The following TGM6 variants were observed in gnomAD, a reference collection of about 807,000 sequenced individuals.
TGM6 encodes the protein protein-glutamine gamma-glutamyltransferase 6.
A neutral mutation model predicts 77.5 loss-of-function variants in TGM6; 74 were observed. The observed-to-expected ratio is 0.96, with a 90% CI of 0.79 to 1.16. The LOEUF is 1.16. TGM6 is among the 50% of genes most tolerant of loss of function. The pLI, the probability that TGM6 is intolerant of heterozygous loss-of-function variation, is 0.00. For missense variants in TGM6, 968 were observed against 940.2 expected, an observed-to-expected ratio of 1.03 and a Z score of -0.39; for synonymous variants, 383 against 378.9, an observed-to-expected ratio of 1.01 and a Z score of -0.12.
At chr20:2,396,028 A>G (rs1230244795) in intron 3 of TGM6, among the ~76,000 whole-genome samples, 1 of 152,082 alleles carries the variant, frequency 6.6e-6, no homozygotes, top group Admixed American at 6.6e-5. Context: ...TAAAAATACA[A>G]AATTAGCCAG....
intron 1 of TGM6, among the ~76,000 whole-genome samples, chr20:2,392,166 T>C (rs2084633031): frequency 6.6e-6 from 1 of 152,198 alleles, no homozygotes; most frequent in Non-Finnish European, 1.5e-5. Flanking sequence ...ATCAACTGCA[T>C]GATGTCAGGG....
rs142936143 is a variant in TGM6, at chr20:2,424,683, T to C, written c.1679-5763T>C. Among the ~76,000 whole-genome samples, 545 of 152,338 alleles carry C rather than the reference T, an allele frequency of 3.6e-3. 6 individuals carry two copies. The highest frequency in any genetic ancestry group is 0.013 in the African/African-American group (520 of 41,582). On this transcript the variant is annotated intron_variant, in intron 10 of 12. Transcript: ENST00000202625. ...GCACTTTTAATTTCCTTCAAGAACT[T>C]TCCCTTTGCATTCAAAACCTTGCTG... is the stretch of plus-strand genomic sequence containing the variant.
Position 2,400,291 on chromosome 20 carries a change from C to T in TGM6, c.851-15C>T. The T allele has an allele frequency of 1.2e-6, 2 of 1,614,120 alleles. No individual in the cohort carries two copies. The highest frequency in any genetic ancestry group is 1.7e-6 in the Non-Finnish European group (2 of 1,180,008). On this transcript the variant is annotated splice_polypyrimidine_tract_variant and intron_variant, in intron 6 of 12. Transcript: ENST00000202625. ...GGCCAGGGTCCCGCCTGCTCCGAGC[C>T]TCTCTGCTCTGCAGTCCTCAGGTGC...
intron 1 of TGM6, among the ~76,000 whole-genome samples, chr20:2,384,739 C>G (rs1478380875): frequency 6.6e-6 from 1 of 152,072 alleles, no homozygotes; most frequent in Non-Finnish European, 1.5e-5. Flanking sequence ...AAAGGAAGCG[C>G]TGAGAAGACG....
chr20:2,406,915 A>G (rs2084756478), intron 9 of TGM6, among the ~76,000 whole-genome samples: 1 of 149,680 alleles, frequency 6.7e-6, no homozygotes, highest in Non-Finnish European at 1.5e-5. Context: ...AACAGTGATG[A>G]CAATCACTGT....
At chr20:2,396,305 G>T (rs1452366712) in intron 3 of TGM6, among the ~76,000 whole-genome samples, 6 of 152,280 alleles carry the variant, frequency 3.9e-5, no homozygotes, top group Admixed American at 3.3e-4. Context: ...TTTGGGATTG[G>T]TCCCTGCTTG....
chr20:2,407,911 C>A (rs1261362157), intron 9 of TGM6, among the ~76,000 whole-genome samples: 1 of 152,184 alleles, frequency 6.6e-6, no homozygotes, highest in Non-Finnish European at 1.5e-5. Flanking sequence ...ACATGGTGAG[C>A]TGACAGCACA....
At chr20:2,411,230 C>A (rs2084782473) in intron 9 of TGM6, among the ~76,000 whole-genome samples, 1 of 152,022 alleles carries the variant, frequency 6.6e-6, no homozygotes, top group Non-Finnish European at 1.5e-5. Context: ...AGCAAAAATT[C>A]ATGAATATGG....
Position 2,403,436 on chromosome 20 carries a change from G to A in TGM6, c.1029G>A (p.Gln343=). 6.2e-7 allele frequency: 1 copy of A among 1,614,136 alleles called. No individual in the cohort carries two copies. The highest frequency in any genetic ancestry group is 8.5e-7 in the Non-Finnish European group (1 of 1,180,040). Residue 343 remains glutamine, a synonymous_variant, in exon 8 of 13, where the codon CAG becomes CAA. Coordinates refer to ENST00000202625, the MANE Select transcript of TGM6 (RefSeq NM_198994.3). The part of the protein sequence containing the change: ...HVWNESWFAR[Q]DLGPSYNGWQ... Reference sequence around the variant, plus strand: ...GGAATGAGAGCTGGTTTGCCCGGCAGGACCTAGGCCCCTCTTACAATGGCT... The same window carrying A: ...GGAATGAGAGCTGGTTTGCCCGGCAAGACCTAGGCCCCTCTTACAATGGCT...
At chr20:2,400,510 C>T in intron 7 of TGM6, 66 bp downstream of exon 7, 1 of 1,607,510 alleles carries the variant, frequency 6.2e-7, no homozygotes. Flanking sequence ...AAGGCCTCAT[C>T]TTCCATAACA....
chr20:2,397,438 G>A (rs1343497660), intron 4 of TGM6, among the ~76,000 whole-genome samples: 1 of 152,176 alleles, frequency 6.6e-6, no homozygotes, highest in African/African-American at 2.4e-5. Flanking sequence ...TTATAGTGAA[G>A]AGTTTAGGGT....
chr20:2,418,900 C>A (rs1158648736), intron 10 of TGM6, among the ~76,000 whole-genome samples: 1 of 151,940 alleles, frequency 6.6e-6, no homozygotes, highest in Non-Finnish European at 1.5e-5. Context: ...CACAGTGAAA[C>A]CCCATCTCTA....
intron 1 of TGM6, among the ~76,000 whole-genome samples, 182 bp downstream of exon 1, chr20:2,381,157 A>T (rs1254081716): frequency 6.6e-6 from 1 of 152,230 alleles, no homozygotes; most frequent in South Asian, 2.1e-4. Context: ...AGCCAGCTTT[A>T]AGCCACCCAG....
intron 5 of TGM6, among the ~76,000 whole-genome samples, 163 bp from the exon 6 acceptor site, chr20:2,399,398 T>C (rs557745414): frequency 2.0e-5 from 3 of 152,226 alleles, no homozygotes; most frequent in Admixed American, 1.3e-4. Flanking sequence ...TACCAGGAAG[T>C]AGGTATTTTA....
chr20:2,406,853 A>AAAAC (rs2084755516), intron 9 of TGM6, among the ~76,000 whole-genome samples: 1 of 133,038 alleles, frequency 7.5e-6, no homozygotes, highest in Non-Finnish European at 1.6e-5. Flanking sequence ...AAAAAAAAAA[A>AAAAC]AAAAAAAAAA....
chr20:2,427,037 G>C (rs2084892564), intron 10 of TGM6, among the ~76,000 whole-genome samples: 1 of 152,012 alleles, frequency 6.6e-6, no homozygotes, highest in African/African-American at 2.4e-5. Context: ...GTATTTCTCT[G>C]CTTCCATTTT....
intron 9 of TGM6, among the ~76,000 whole-genome samples, chr20:2,412,641 C>T (rs927701644): frequency 6.5e-4 from 99 of 152,026 alleles, no homozygotes; most frequent in African/African-American, 2.3e-3. Context: ...CCTAAGGAAT[C>T]CATTAAAAAG....
At chr20:2,399,791 C>T in intron 6 of TGM6, 53 bp downstream of exon 6, 2 of 1,483,476 alleles carry the variant, frequency 1.3e-6, no homozygotes, top group Non-Finnish European at 1.8e-6. Context: ...CTTCCTCTAT[C>T]TAAATGTATT....
At chr20:2,416,809 T>C (rs957519238) in intron 9 of TGM6, among the ~76,000 whole-genome samples, 3 of 152,216 alleles carry the variant, frequency 2.0e-5, no homozygotes, top group Non-Finnish European at 4.4e-5. Flanking sequence ...CTTTACTGCC[T>C]GGTTCAAGTC....
Sources: gnomAD v4.1 joint callset for allele counts (sites outside exome capture counted in the v4.1 genomes callset) on GRCh38, gnomAD v4.1.1 for gene constraint, MANE v1.5 for transcripts, NCBI Gene and HGNC (gene_info 2026-07-23, HGNC 2026-07-21) for gene names.